Variants in NYAP1 observed in about 807,000 individuals in gnomAD.
NYAP1 encodes neuronal tyrosine phosphorylated phosphoinositide-3-kinase adaptor 1.
A neutral mutation model predicts 58.6 loss-of-function variants in NYAP1; 20 were observed. That is an observed-to-expected ratio of 0.34 (90% CI 0.24 to 0.50). NYAP1 has a LOEUF of 0.50. Among genes scored for constraint, NYAP1 ranks in the 20% least tolerant of loss-of-function variants. The pLI is 0.98. For missense variants in NYAP1, 1,150 were observed against 1,194.5 expected, an observed-to-expected ratio of 0.96 and a Z score of 0.55; for synonymous variants, 572 against 523.1, an observed-to-expected ratio of 1.09 and a Z score of -1.27.
In NYAP1 at chr7:100,487,569, T is replaced by G. The variant is rs1180252993; in HGVS notation, c.430+387T>G. Among the ~76,000 whole-genome samples, 1 of 152,094 alleles carries G rather than the reference T, an allele frequency of 6.6e-6. No homozygotes were observed. The highest frequency in any genetic ancestry group is 2.4e-5 in the African/African-American group (1 of 41,424). The stretch of plus-strand genomic sequence containing the variant: ...CAGGCAGGAGTGCAGTGGTGCGATC[T>G]CAGCTCACTGCATCCTCCGCCTCCC... On this transcript the variant is annotated intron_variant, in intron 3 of 6. Coordinates refer to ENST00000300179, the MANE Select transcript of NYAP1 (RefSeq NM_173564.4). The surrounding 1 kb of genome is among the most constrained non-coding windows in gnomAD (Gnocchi z 4.1).
Position 100,488,492 on chromosome 7 carries a change from T to C in NYAP1, c.771T>C (p.Ser257=). The C allele has an allele frequency of 2.5e-6, 4 of 1,610,416 alleles. No individual in the cohort carries two copies. The highest frequency in any genetic ancestry group is 3.4e-6 in the Non-Finnish European group (4 of 1,179,296). Residue 257 remains serine, a synonymous_variant, in exon 4 of 7, where the codon AGT becomes AGC. Transcript: ENST00000300179. This position sits in a 1 kb window ranked among gnomAD's most constrained non-coding sequence, Gnocchi z 5.9. The part of the protein sequence containing the change: ...PAGADSDSEE[S]EAIYEEMKYP... ...GCGCCGACTCGGACTCTGAAGAGAG[T>C]GAGGCCATCTATGAAGAGATGAAGT...
rs752744909 is a variant in NYAP1 at position 100,487,062 on chromosome 7, G to A, written c.310G>A (p.Gly104Ser). Residue 104 changes from glycine to serine, a missense_variant, in exon 3 of 7, where the codon GGC becomes AGC. Transcript: ENST00000300179. This position sits in a 1 kb window ranked among gnomAD's most constrained non-coding sequence, Gnocchi z 4.1. Reference protein sequence around the residue: ...VGGGPGGASGGLTEDSSTRRP... With the variant: ...VGGGPGGASGSLTEDSSTRRP... ...GGGTGGCCCTGGCGGGGCCAGTGGG[G>A]GCCTCACAGAGGACAGCAGCACCCG... 53 of 1,600,352 alleles carry A rather than the reference G, an allele frequency of 3.3e-5. No individual in the cohort carries two copies. Among genetic ancestry groups the A allele is most frequent in the African/African-American group, 5.4e-5 (4 of 74,186 alleles).
chr7:100,493,641 C>A lies in NYAP1; in HGVS notation c.2269-5C>A. 1 of 1,570,098 alleles carries A rather than the reference C, an allele frequency of 6.4e-7. No homozygotes were observed. Among genetic ancestry groups the A allele is most frequent in the Non-Finnish European group, 8.6e-7 (1 of 1,165,154 alleles). Reference sequence around the variant, plus strand: ...GTTTTCCTTTCTCCCCCGCCCGCGGCACAGCCCCACCCCGCGCTGCCGCTG... The same window carrying A: ...GTTTTCCTTTCTCCCCCGCCCGCGGAACAGCCCCACCCCGCGCTGCCGCTG... On this transcript the variant is annotated splice_polypyrimidine_tract_variant and splice_region_variant and intron_variant, in intron 6 of 6. Transcript: ENST00000300179.
Position 100,487,658 on chromosome 7 carries a change from C to T in NYAP1, c.430+476C>T, listed in dbSNP as rs547123514. 1.3e-5 allele frequency among the ~76,000 whole-genome samples: 2 copies of T among 152,152 alleles called. No individual in the cohort carries two copies. The highest frequency in any genetic ancestry group is 2.9e-5 in the Non-Finnish European group (2 of 68,016). Reference sequence around the variant, plus strand: ...CTGGGATTACAGGCGTCCGTCACCACGCCCGGCTAATTTTTTGTATTTTTA... The same window carrying T: ...CTGGGATTACAGGCGTCCGTCACCATGCCCGGCTAATTTTTTGTATTTTTA... On this transcript the variant is annotated intron_variant, in intron 3 of 6. Transcript: ENST00000300179. The surrounding 1 kb of genome is among the most constrained non-coding windows in gnomAD (Gnocchi z 4.1).
chr7:100,491,020 C>T lies in NYAP1; in HGVS notation c.2193C>T (p.Ala731=). ...GAGGCTACCGCCTGGGGCGCTCCGC[C>T]TCCACCTCCGGAGTCCGGCAGGTCG... The part of the protein sequence containing the change: ...FTGGYRLGRS[A]STSGVRQVVL... Residue 731 remains alanine (A), a synonymous_variant, in exon 6 of 7, where the codon GCC becomes GCT. Coordinates refer to ENST00000300179, the MANE Select transcript of NYAP1 (RefSeq NM_173564.4). 6.4e-7 allele frequency: 1 copy of T among 1,557,542 alleles called. No individual in the cohort carries two copies. The highest frequency in any genetic ancestry group is 8.7e-7 in the Non-Finnish European group (1 of 1,150,404).
chr7:100,489,867 G>A (rs1799770804), intron 4 of NYAP1, among the ~76,000 whole-genome samples: 2 of 152,080 alleles, frequency 1.3e-5, no homozygotes, highest in Non-Finnish European at 2.9e-5. Context: ...GGAGGGGCAG[G>A]AAGGTCTGGG....
chr7:100,486,285 A>G lies in NYAP1; in HGVS notation c.69-536A>G, dbSNP rs1328959540. ...CCGGGGAGGCTGACAGAGAGAGAAC[A>G]GCACCAGGGGAGAGGGAGGAAGAAG... On this transcript the variant is annotated intron_variant, in intron 2 of 6. Coordinates refer to ENST00000300179, the MANE Select transcript of NYAP1 (RefSeq NM_173564.4). This position sits in a 1 kb window ranked among gnomAD's most constrained non-coding sequence, Gnocchi z 6.2. Among the ~76,000 whole-genome samples the G allele has an allele frequency of 6.6e-6, 1 of 152,108 alleles. No individual in the cohort carries two copies. Among genetic ancestry groups the G allele is most frequent in the Non-Finnish European group, 1.5e-5 (1 of 68,018 alleles).
chr7:100,489,093 G>T lies in NYAP1; in HGVS notation c.1372G>T (p.Val458Leu). The T allele has an allele frequency of 6.4e-7, 1 of 1,568,004 alleles. No homozygotes were observed. The highest frequency in any genetic ancestry group is 8.6e-7 in the Non-Finnish European group (1 of 1,157,430). ...CCCCGGCCCCCCCAAGGACAAGGCC[G>T]TGTCTTACACCATGGTGTACTCGGC... is the stretch of plus-strand genomic sequence containing the variant. ...LLPGPPKDKA[V>L]SYTMVYSAVK... The change falls in exon 4 of 7, where the codon GTG becomes TTG. Residue 458 changes from valine (V) to leucine (L), a missense_variant. Transcript: ENST00000300179.
rs1026079193 is a variant in NYAP1 at position 100,490,566 on chromosome 7, C to G, written c.1995C>G (p.Gly665=). 10 of 1,587,202 alleles carry G rather than the reference C, an allele frequency of 6.3e-6. No homozygotes were observed. Among genetic ancestry groups the G allele is most frequent in the Non-Finnish European group, 8.6e-6 (10 of 1,167,226 alleles). ...GGAATGGCAGTGCCGAGGGTCCAGGCAAGGTGGAGCGTGAGGACAGGGGCC... is the reference window on the plus strand; with the variant it reads ...GGAATGGCAGTGCCGAGGGTCCAGGGAAGGTGGAGCGTGAGGACAGGGGCC... ...RAWNGSAEGP[G]KVEREDRGPG... Residue 665 remains glycine, a synonymous_variant, in exon 5 of 7, where the codon GGC becomes GGG. Coordinates refer to ENST00000300179, the MANE Select transcript of NYAP1 (RefSeq NM_173564.4). This position sits in a 1 kb window ranked among gnomAD's most constrained non-coding sequence, Gnocchi z 4.6.
At position 100,487,105 on chromosome 7, in the gene NYAP1, C is replaced by T; in HGVS notation, c.353C>T (p.Pro118Leu). Residue 118 changes from proline (P) to leucine (L), a missense_variant, in exon 3 of 7, where the codon CCC becomes CTC. Coordinates refer to ENST00000300179, the MANE Select transcript of NYAP1 (RefSeq NM_173564.4). The surrounding 1 kb of genome is among the most constrained non-coding windows in gnomAD (Gnocchi z 4.1). ...DSSTRRPPAK[P>L]RRHPSTKLSM... ...AGCACCCGAAGACCCCCTGCCAAGC[C>T]CCGGAGACACCCCAGCACCAAGCTC... is the stretch of plus-strand genomic sequence containing the variant. 1.9e-6 allele frequency: 3 copies of T among 1,587,260 alleles called. No homozygotes were observed. Among genetic ancestry groups the T allele is most frequent in the Non-Finnish European group, 2.6e-6 (3 of 1,166,880 alleles).
rs746915247 is a variant in NYAP1, at chr7:100,489,612, T to G, written c.1891T>G (p.Trp631Gly). ...GGGCGCCGCGACATTTGGGGCAGGC[T>G]GGGCCCTGCAGAGGAAGGTCCTCTA... is the stretch of plus-strand genomic sequence containing the variant. ...EVGAATFGAG[W>G]ALQRKVLYGG... Residue 631 changes from tryptophan (W) to glycine (G), a missense_variant, in exon 4 of 7, where the codon TGG (tryptophan) becomes GGG (glycine). Trp to Gly is a radical substitution (Grantham distance 184). Coordinates refer to ENST00000300179, the MANE Select transcript of NYAP1 (RefSeq NM_173564.4). 5 of 1,370,424 alleles carry G rather than the reference T, an allele frequency of 3.6e-6. No homozygotes were observed. The African/African-American group carries it at 8.0e-5, about 22-fold the overall frequency. The allele number at this position is 1,370,424 out of a possible 1,614,324, so 84.9% of individuals were successfully genotyped here.
chr7:100,489,548 C>G lies in NYAP1; in HGVS notation c.1827C>G (p.Ile609Met), dbSNP rs141655359. 6.2e-6 allele frequency: 10 copies of G among 1,613,396 alleles called. No individual in the cohort carries two copies. In the South Asian group the frequency reaches 6.6e-5, roughly 11 times the overall value. ...AFASISCAHV[I>M]ASAGTPEEEE... ...CCAGCATCTCCTGTGCCCACGTCATCGCCAGCGCAGGGACACCAGAGGAGG... is the reference window on the plus strand; with the variant it reads ...CCAGCATCTCCTGTGCCCACGTCATGGCCAGCGCAGGGACACCAGAGGAGG... The change falls in exon 4 of 7, where the codon ATC becomes ATG. Residue 609 changes from isoleucine (I) to methionine (M), a missense_variant. Ile to Met is a conservative substitution (Grantham distance 10). Transcript: ENST00000300179.
intron 6 of NYAP1, among the ~76,000 whole-genome samples, chr7:100,492,981 AAAAG>A (rs763258053): frequency 2.3e-4 from 35 of 152,024 alleles, no homozygotes; most frequent in African/African-American, 8.0e-4. Flanking sequence ...AGCAAGAAAG[AAAAG>A]AAAGCAAGAA....
At position 100,487,256 on chromosome 7, in the gene NYAP1, GC is replaced by G. The variant is rs1347937726; in HGVS notation, c.430+76del. 1 of 1,404,196 alleles carries G rather than the reference GC, an allele frequency of 7.1e-7. No homozygotes were observed. The highest frequency in any genetic ancestry group is 9.4e-7 in the Non-Finnish European group (1 of 1,066,392). The allele number at this position is 1,404,196 out of a possible 1,614,324, so 87.0% of individuals were successfully genotyped here. ...ATCTATTCCACGCCCGGGGAGGCTTGCCGGGAGGGTTCATTCAGGGAAGAAC... is the reference window on the plus strand; with the variant it reads ...ATCTATTCCACGCCCGGGGAGGCTTGCGGGAGGGTTCATTCAGGGAAGAAC... On this transcript the variant is annotated intron_variant, in intron 3 of 6. Transcript: ENST00000300179. This position sits in a 1 kb window ranked among gnomAD's most constrained non-coding sequence, Gnocchi z 4.1.
Position 100,487,615 on chromosome 7 carries a change from C to T in NYAP1, c.430+433C>T, listed in dbSNP as rs975348421. On this transcript the variant is annotated intron_variant, in intron 3 of 6. Coordinates refer to ENST00000300179, the MANE Select transcript of NYAP1 (RefSeq NM_173564.4). The surrounding 1 kb of genome is among the most constrained non-coding windows in gnomAD (Gnocchi z 4.1). ...CTCCCAGGTTCAAGCAGTTCTCCTG[C>T]CTCAGCCTCCCAGGTAGCTGGGATT... Among the ~76,000 whole-genome samples, 1 of 152,176 alleles carries T rather than the reference C, an allele frequency of 6.6e-6. No homozygotes were observed. The highest frequency in any genetic ancestry group is 6.6e-5 in the Admixed American group (1 of 15,264).
At position 100,488,467 on chromosome 7, in the gene NYAP1, G is replaced by T; in HGVS notation, c.746G>T (p.Gly249Val). The change falls in exon 4 of 7, where the codon GGC (glycine) becomes GTC (valine). Residue 249 changes from glycine to valine, a missense_variant. Coordinates refer to ENST00000300179, the MANE Select transcript of NYAP1 (RefSeq NM_173564.4). The surrounding 1 kb of genome is among the most constrained non-coding windows in gnomAD (Gnocchi z 5.9). ...GGTGGGGGCCCGACCCCTCCAGCGG[G>T]CGCCGACTCGGACTCTGAAGAGAGT... ...LGGGGPTPPA[G>V]ADSDSEESEA... The T allele has an allele frequency of 6.2e-7, 1 of 1,611,240 alleles. No homozygotes were observed. The highest frequency in any genetic ancestry group is 8.5e-7 in the Non-Finnish European group (1 of 1,179,240).
In NYAP1 at chr7:100,487,223, C is replaced by T. The variant is rs978384109; in HGVS notation, c.430+41C>T. 2.0e-6 allele frequency: 3 copies of T among 1,466,644 alleles called. No homozygotes were observed. Among genetic ancestry groups the T allele is most frequent in the Middle Eastern group, 1.8e-4 (1 of 5,456 alleles). The allele number at this position is 1,466,644 out of a possible 1,614,324, so 90.9% of individuals were successfully genotyped here. A position where few individuals can be genotyped will look rare whatever the true frequency, so the allele number is the denominator to read the frequency against. On this transcript the variant is annotated intron_variant, in intron 3 of 6. Coordinates refer to ENST00000300179, the MANE Select transcript of NYAP1 (RefSeq NM_173564.4). This position sits in a 1 kb window ranked among gnomAD's most constrained non-coding sequence, Gnocchi z 4.1. ...TCTCTCCCTGGGGTGGAGCTGGGAGCTGGGAGGATCTATTCCACGCCCGGG... is the reference window on the plus strand; with the variant it reads ...TCTCTCCCTGGGGTGGAGCTGGGAGTTGGGAGGATCTATTCCACGCCCGGG...
intron 6 of NYAP1, 85 bp from the exon 7 acceptor site, chr7:100,493,561 G>A: frequency 1.8e-6 from 2 of 1,123,478 alleles, no homozygotes; most frequent in South Asian, 3.2e-5. Flanking sequence ...GGGGAGACGT[G>A]GGTCTCGGCA....
chr7:100,493,692 C>A lies in NYAP1; in HGVS notation c.2315C>A (p.Ala772Asp). 6.3e-7 allele frequency: 1 copy of A among 1,592,706 alleles called. No individual in the cohort carries two copies. The highest frequency in any genetic ancestry group is 8.5e-7 in the Non-Finnish European group (1 of 1,173,816). Residue 772 changes from alanine (A) to aspartate (D), a missense_variant, in exon 7 of 7, where the codon GCC becomes GAC. Transcript: ENST00000300179. ...PLPLPLPPQP[A>D]RERDGKLLEV... is the part of the protein sequence containing the mutation. ...CCTCTGCCCCTGCCGCCCCAGCCGGCCCGCGAGCGTGACGGGAAGCTGCTG... is the reference window on the plus strand; with the variant it reads ...CCTCTGCCCCTGCCGCCCCAGCCGGACCGCGAGCGTGACGGGAAGCTGCTG...
Sources: allele counts gnomAD v4.1 joint callset (sites outside exome capture counted in the v4.1 genomes callset), GRCh38; gene constraint gnomAD v4.1.1; non-coding constraint Gnocchi (gnomAD v3.1); transcripts MANE v1.5; gene names NCBI Gene and HGNC (gene_info 2026-07-23, HGNC 2026-07-21).